Variants in AMTN observed in about 807,000 individuals in gnomAD.
AMTN encodes the protein RSTI689.
AMTN carries 29 observed loss-of-function variants against 27.4 expected under a neutral mutation model. The ratio of observed to expected loss-of-function variants is 1.06; its 90% CI spans 0.79 to 1.44. The LOEUF (loss-of-function observed/expected upper bound fraction) is 1.44, where lower values mean the gene tolerates loss of function less well. AMTN is among the 40% of genes most tolerant of loss of function. AMTN has a pLI of 0.00. For synonymous variants in AMTN, 86 were observed against 95.7 expected, an observed-to-expected ratio of 0.90 and a Z score of 0.59; for missense variants, 247 against 248.8, an observed-to-expected ratio of 0.99 and a Z score of 0.05.
At chr4:70,522,659 T>G in intron 2 of AMTN, 96 bp from the exon 3 acceptor site, 2 of 1,104,152 alleles carry the variant, frequency 1.8e-6, no homozygotes, top group Non-Finnish European at 2.8e-6. Context: ...GCCTAAAAGA[T>G]AGACATGTTT....
At chr4:70,528,048 C>T (rs997306369) in intron 5 of AMTN, among the ~76,000 whole-genome samples, 4 of 152,120 alleles carry the variant, frequency 2.6e-5, no homozygotes, top group Admixed American at 6.6e-5. Flanking sequence ...ATACCCATCG[C>T]GTGTTTTAAT....
chr4:70,531,109 G>C lies in AMTN; in HGVS notation c.428G>C (p.Gly143Ala), dbSNP rs1245671389. The change falls in exon 8 of 9, where the codon GGG (glycine) becomes GCG (alanine). Residue 143 changes from glycine to alanine, a missense_variant. Coordinates refer to ENST00000339336, the MANE Select transcript of AMTN (RefSeq NM_212557.4). The stretch of plus-strand genomic sequence containing the variant: ...GGCATCCTGCCCACCAGTCAGGCAG[G>C]GGCTAATCCAGATGTCCAGGATGGA... Reference protein sequence around the residue: ...PGGILPTSQAGANPDVQDGSL... With the variant: ...PGGILPTSQAAANPDVQDGSL... The C allele has an allele frequency of 1.9e-6, 3 of 1,613,920 alleles. No homozygotes were observed. Among genetic ancestry groups the C allele is most frequent in the Non-Finnish European group, 2.5e-6 (3 of 1,179,988 alleles).
chr4:70,522,732 A>G (rs781763600), intron 2 of AMTN, 23 bp from the exon 3 acceptor site: 1 of 1,612,010 alleles, frequency 6.2e-7, no homozygotes, highest in South Asian at 1.1e-5. Flanking sequence ...GCCTCATCAA[A>G]TATGTATTTG....
chr4:70,531,374 G>C (rs1458003309), intron 8 of AMTN, 74 bp downstream of exon 8: 1 of 1,573,040 alleles, frequency 6.4e-7, no homozygotes, highest in Admixed American at 1.8e-5. Flanking sequence ...GGAGTTCTTT[G>C]TCTTGCCTTG....
chr4:70,526,340 A>C (rs28421637), intron 5 of AMTN, among the ~76,000 whole-genome samples: 17,677 of 152,156 alleles, frequency 0.12, 1,275 homozygotes, highest in Middle Eastern at 0.23. Context: ...TGTTGTTTTT[A>C]ATGACTGCTT....
chr4:70,518,676 T>A (rs913555786), intron 1 of AMTN, 22 bp downstream of exon 1: 6 of 933,830 alleles, frequency 6.4e-6, no homozygotes, highest in Non-Finnish European at 8.6e-6. Context: ...TGACCATGTT[T>A]CAAGTAGAAC....
chr4:70,526,011 C>A (rs1170096130), intron 5 of AMTN, among the ~76,000 whole-genome samples: 1 of 152,030 alleles, frequency 6.6e-6, no homozygotes. Flanking sequence ...GACCTCGGCC[C>A]CCATTATCCA....
chr4:70,522,675 G>A (rs1736002398), intron 2 of AMTN, 80 bp from the exon 3 acceptor site: 1 of 1,323,498 alleles, frequency 7.6e-7, no homozygotes, highest in African/African-American at 1.4e-5. Flanking sequence ...TGTTTGCATT[G>A]GTGGCAACCT....
chr4:70,524,917 T>C lies in AMTN; in HGVS notation c.250T>C (p.Leu84=), dbSNP rs369670690. Residue 84 remains leucine (L), a synonymous_variant, in exon 5 of 9, where the codon TTG becomes CTG. Coordinates refer to ENST00000339336, the MANE Select transcript of AMTN (RefSeq NM_212557.4). ...GMTPGTQTHP[L]TLGGLNVQQQ... ...GACACCTGGTACCCAGACCCACCCA[T>C]TGACCCTGGGAGGGTTGAATGTACA... 106 of 1,613,920 alleles carry C rather than the reference T, an allele frequency of 6.6e-5. No individual in the cohort carries two copies. The Middle Eastern group carries it at 9.9e-4, about 15-fold the overall frequency.
intron 7 of AMTN, among the ~76,000 whole-genome samples, chr4:70,529,629 G>A (rs559915352): frequency 1.8e-4 from 27 of 152,130 alleles, no homozygotes; most frequent in East Asian, 7.7e-4. Flanking sequence ...TTTTTCCAGC[G>A]TCAGATAGTG....
intron 4 of AMTN, among the ~76,000 whole-genome samples, chr4:70,524,502 C>A (rs1736052764): frequency 6.6e-6 from 1 of 152,080 alleles, no homozygotes; most frequent in African/African-American, 2.4e-5. Flanking sequence ...TCACGCATAA[C>A]CTAGAGGAGT....
intron 5 of AMTN, among the ~76,000 whole-genome samples, chr4:70,525,435 A>C (rs1736081469): frequency 1.3e-5 from 2 of 152,136 alleles, no homozygotes; most frequent in Admixed American, 1.3e-4. Flanking sequence ...TTCAGTATTT[A>C]CCACCTCCCA....
chr4:70,524,889 A>T lies in AMTN; in HGVS notation c.222A>T (p.Gly74=). The change falls in exon 5 of 9, where the codon GGA becomes GGT. Residue 74 remains glycine, a synonymous_variant. Coordinates refer to ENST00000339336, the MANE Select transcript of AMTN (RefSeq NM_212557.4). ...PDLHLLNPAA[G]MTPGTQTHPL... ...CCCTACAGTTAAATCCTGCTGCAGGAATGACACCTGGTACCCAGACCCACC... is the reference window on the plus strand; with the variant it reads ...CCCTACAGTTAAATCCTGCTGCAGGTATGACACCTGGTACCCAGACCCACC... The T allele has an allele frequency of 6.2e-7, 1 of 1,614,072 alleles. No individual in the cohort carries two copies. Among genetic ancestry groups the T allele is most frequent in the Non-Finnish European group, 8.5e-7 (1 of 1,179,972 alleles).
At chr4:70,523,817 A>T (rs772949388) in intron 3 of AMTN, 51 bp from the exon 4 acceptor site, 1 of 1,490,150 alleles carries the variant, frequency 6.7e-7, no homozygotes, top group Non-Finnish European at 9.3e-7. Flanking sequence ...CTGACAGAGT[A>T]AGGGAAGCAG....
In AMTN at chr4:70,527,019, G is replaced by A. The variant is rs142337802; in HGVS notation, c.295-1704G>A. On this transcript the variant is annotated intron_variant, in intron 5 of 8. Coordinates refer to ENST00000339336, the MANE Select transcript of AMTN (RefSeq NM_212557.4). ...TCAAAGAAAAATGAACCATGCTTGT[G>A]AACTCTAGAACCACACAATTTCTGG... Among the ~76,000 whole-genome samples the A allele has an allele frequency of 7.6e-4, 115 of 152,204 alleles. No individual in the cohort carries two copies. In the East Asian group the frequency reaches 8.7e-3, roughly 11 times the overall value.
chr4:70,529,168 G>A lies in AMTN; in HGVS notation c.331-16G>A. ...AAAATGTGTCTAACAAATTGTGTTTGTCATTTTGCTTTTAGGGCACTATCC... is the reference window on the plus strand; with the variant it reads ...AAAATGTGTCTAACAAATTGTGTTTATCATTTTGCTTTTAGGGCACTATCC... On this transcript the variant is annotated splice_polypyrimidine_tract_variant and intron_variant, in intron 6 of 8. Transcript: ENST00000339336. 3 of 1,546,270 alleles carry A rather than the reference G, an allele frequency of 1.9e-6. No homozygotes were observed. The highest frequency in any genetic ancestry group is 2.6e-6 in the Non-Finnish European group (3 of 1,150,962).
At chr4:70,528,813 G>T in intron 6 of AMTN, 55 bp downstream of exon 6, 1 of 1,453,926 alleles carries the variant, frequency 6.9e-7, no homozygotes, top group South Asian at 1.3e-5. Flanking sequence ...TGTGAAAGGT[G>T]ATTTTCTTTC....
chr4:70,523,047 A>T (rs2109770543), intron 3 of AMTN, among the ~76,000 whole-genome samples: 1 of 152,380 alleles, frequency 6.6e-6, no homozygotes, highest in South Asian at 2.1e-4. Flanking sequence ...TAGGAAAAGT[A>T]AAGTACTCTA....
At chr4:70,528,594 G>A in intron 5 of AMTN, 129 bp from the exon 6 acceptor site, 6 of 663,942 alleles carry the variant, frequency 9.0e-6, no homozygotes, top group Non-Finnish European at 1.5e-5. Context: ...AGGTTGCAGT[G>A]AGCCAAGACC....
Sources: allele counts gnomAD v4.1 joint callset (sites outside exome capture counted in the v4.1 genomes callset), GRCh38; gene constraint gnomAD v4.1.1; transcripts MANE v1.5; gene names NCBI Gene and HGNC (gene_info 2026-07-23, HGNC 2026-07-21).